The following CFAP69 variants were observed in gnomAD, a reference collection of about 807,000 sequenced individuals.
CFAP69 encodes the protein cilia- and flagella-associated protein 69.
In CFAP69, 92 loss-of-function variants were observed where a neutral mutation model predicts 123.0. The ratio of observed to expected loss-of-function variants is 0.75; its 90% confidence interval spans 0.63 to 0.89. The LOEUF (loss-of-function observed/expected upper bound fraction) is 0.89. Ranked by LOEUF, CFAP69 falls within the 40% of genes least tolerant of loss-of-function variation. CFAP69 has a pLI of 0.00. For missense variants in CFAP69, 1,067 were observed against 1,096.9 expected, an observed-to-expected ratio of 0.97 and a Z score of 0.39; for synonymous variants, 380 against 364.3, an observed-to-expected ratio of 1.04 and a Z score of -0.49.
In CFAP69 at chr7:90,279,886, G is replaced by T; in HGVS notation, c.1365G>T (p.Glu455Asp). ...ARVLAFLEWC[E>D]SEDPFFSHGN... is the part of the protein sequence containing the mutation. Reference sequence around the variant, plus strand: ...TCCTTGCATTTCTAGAATGGTGTGAGAGTGAAGGTGAGTGGCCCTTCAAGA... The same window carrying T: ...TCCTTGCATTTCTAGAATGGTGTGATAGTGAAGGTGAGTGGCCCTTCAAGA... The change falls in exon 12 of 23, where the codon GAG (glutamate) becomes GAT (aspartate). Residue 455 changes from glutamate to aspartate, a missense_variant. By Grantham distance (45) the Glu-to-Asp change is conservative. Coordinates refer to ENST00000389297, the MANE Select transcript of CFAP69 (RefSeq NM_001039706.3). 2 of 1,575,508 alleles carry T rather than the reference G, an allele frequency of 1.3e-6. No individual in the cohort carries two copies. Among genetic ancestry groups the T allele is most frequent in the Non-Finnish European group, 1.7e-6 (2 of 1,165,150 alleles).
intron 5 of CFAP69, among the ~76,000 whole-genome samples, chr7:90,267,951 A>G (rs759819066): frequency 6.6e-6 from 1 of 152,178 alleles, no homozygotes; most frequent in Non-Finnish European, 1.5e-5. Context: ...AGTAAAACAC[A>G]AGTTTACATG....
chr7:90,265,383 T>C lies in CFAP69; in HGVS notation c.433+6T>C. ...TAATTCAATTGCACTTCTGGGTAAGTTAAGATTTCCTTAAGGTATAGGGAT... is the reference window on the plus strand; with the variant it reads ...TAATTCAATTGCACTTCTGGGTAAGCTAAGATTTCCTTAAGGTATAGGGAT... On this transcript the variant is annotated splice_donor_region_variant and intron_variant, in intron 5 of 22. Transcript: ENST00000389297. 6.3e-7 allele frequency: 1 copy of C among 1,592,560 alleles called. No homozygotes were observed. Among genetic ancestry groups the C allele is most frequent in the Non-Finnish European group, 8.6e-7 (1 of 1,161,648 alleles).
At chr7:90,320,881 C>T in the CFAP69 span, 152,258 of 152,424 alleles carry the variant, frequency 1, 76,047 homozygotes, top group Middle Eastern at 1. Context: ...CAATTTCAGG[C>T]TAGCGCCTCT....
intron 6 of CFAP69, 88 bp from the exon 7 acceptor site, chr7:90,271,438 T>C (rs1799934501): frequency 7.3e-7 from 1 of 1,374,802 alleles, no homozygotes; most frequent in Admixed American, 2.3e-5. Flanking sequence ...TTTTTCTTGC[T>C]GTTGCTTAAT....
intron 17 of CFAP69, chr7:90,302,466 A>T (rs12734346): frequency 1.3e-5 from 2 of 152,304 alleles, no homozygotes; most frequent in Admixed American, 1.3e-4. Flanking sequence ...TTTTACATTT[A>T]AGTCTTTAAT....
At chr7:90,259,183 C>T (rs1180427219) in intron 3 of CFAP69, among the ~76,000 whole-genome samples, 1 of 152,092 alleles carries the variant, frequency 6.6e-6, no homozygotes, top group Admixed American at 6.5e-5. Flanking sequence ...GAGGCCAAGA[C>T]AGGAGGATTG....
In CFAP69 at chr7:90,262,024, A is replaced by G. The variant is rs963274804; in HGVS notation, c.324A>G (p.Ile108Met). ...SGKIKNQPRF[I>M]ESAYDIIKLC... is the part of the protein sequence containing the mutation. ...AAATAAAAAACCAGCCTCGTTTTAT[A>G]GAATCTGCATATGATATCATAAAAC... The change falls in exon 4 of 23, where the codon ATA (isoleucine) becomes ATG (methionine). Residue 108 changes from isoleucine to methionine, a missense_variant. Transcript: ENST00000389297. The G allele has an allele frequency of 5.6e-6, 9 of 1,600,456 alleles. No individual in the cohort carries two copies. Among genetic ancestry groups the G allele is most frequent in the Non-Finnish European group, 7.7e-6 (9 of 1,174,324 alleles).
At chr7:90,317,660 A>C in the CFAP69 span, 1 of 152,186 alleles carries the variant, frequency 6.6e-6, no homozygotes, top group African/African-American at 2.4e-5. Context: ...GAGTGTTTAT[A>C]TATAAAACCC....
chr7:90,304,212 A>G (rs1793219566), intron 18 of CFAP69, 106 bp downstream of exon 18: 6 of 1,410,790 alleles, frequency 4.3e-6, no homozygotes, highest in Non-Finnish European at 5.5e-6. Flanking sequence ...ATCTCTTTAT[A>G]TAGAGAAATT....
intron 15 of CFAP69, 92 bp downstream of exon 15, chr7:90,288,444 G>A (rs1232933584): frequency 4.9e-6 from 7 of 1,417,694 alleles, no homozygotes. Flanking sequence ...TGTTTCCTTA[G>A]GCAATTTCAT....
downstream of CFAP69, among the ~76,000 whole-genome samples, chr7:90,314,249 TA>T (rs1262443052): frequency 6.6e-6 from 1 of 152,112 alleles, no homozygotes; most frequent in African/African-American, 2.4e-5. Context: ...GAAATCTGAA[TA>T]AAATAGGAAG....
chr7:90,307,132 A>G, intron 20 of CFAP69, 34 bp downstream of exon 20: 1 of 1,563,956 alleles, frequency 6.4e-7, no homozygotes, highest in Non-Finnish European at 8.7e-7. Flanking sequence ...GGGAGAATGA[A>G]GATAGGTTGG....
chr7:90,316,681 T>C, the CFAP69 span: 2 of 152,234 alleles, frequency 1.3e-5, no homozygotes, highest in African/African-American at 4.8e-5. Flanking sequence ...ATTTACGGTA[T>C]GTAATCATCA....
intron 1 of CFAP69, among the ~76,000 whole-genome samples, chr7:90,254,322 TCTA>T (rs1299992161): frequency 3.9e-5 from 6 of 152,162 alleles, no homozygotes; most frequent in Non-Finnish European, 8.8e-5. Context: ...GTGCTCGCGG[TCTA>T]CTACTTAAAC....
At position 90,279,717 on chromosome 7, in the gene CFAP69, A is replaced by G. The variant is rs763366261; in HGVS notation, c.1196A>G (p.Tyr399Cys). 76 of 1,610,408 alleles carry G rather than the reference A, an allele frequency of 4.7e-5. 1 individual carries two copies. Among genetic ancestry groups the G allele is most frequent in the South Asian group, 4.3e-4 (39 of 90,546 alleles). ...AAAGTTATTTTGGCTTTGTTTACCT[A>G]TGTTAAGAAGCCTGAGAAGCAAAAA... ...DGKVILALFT[Y>C]VKKPEKQKII... The change falls in exon 12 of 23, where the codon TAT (tyrosine) becomes TGT (cysteine). Residue 399 changes from tyrosine (Y) to cysteine (C), a missense_variant. Tyr to Cys is a radical substitution (Grantham distance 194, BLOSUM62 -2). Coordinates refer to ENST00000389297, the MANE Select transcript of CFAP69 (RefSeq NM_001039706.3).
At chr7:90,321,379 G>A in the CFAP69 span, 2 of 152,404 alleles carry the variant, frequency 1.3e-5, no homozygotes, top group African/African-American at 4.8e-5. Flanking sequence ...CGCTCTCGAG[G>A]CCCCTCCCTG....
intron 13 of CFAP69, among the ~76,000 whole-genome samples, chr7:90,283,503 G>C (rs1046868828): frequency 2.0e-5 from 3 of 151,960 alleles, no homozygotes; most frequent in African/African-American, 7.3e-5. Flanking sequence ...GAATATCCTT[G>C]ACTTTTAGCT....
In CFAP69 at chr7:90,307,754, CT is replaced by C. The variant is rs1245552654; in HGVS notation, c.2464-11del. The C allele has an allele frequency of 7.2e-6, 11 of 1,522,880 alleles. No individual in the cohort carries two copies. The highest frequency in any genetic ancestry group is 9.8e-6 in the Non-Finnish European group (11 of 1,123,062). The allele number at this position is 1,522,880 out of a possible 1,614,324, so 94.3% of individuals were successfully genotyped here. On this transcript the variant is annotated splice_polypyrimidine_tract_variant and intron_variant, in intron 20 of 22. Transcript: ENST00000389297. ...AAAAAAGAAACTGAAACTTAATTATCTTTCTCATTTCAGATACAGGCCACGC... is the reference window on the plus strand; with the variant it reads ...AAAAAAGAAACTGAAACTTAATTATCTTCTCATTTCAGATACAGGCCACGC...
rs545276493 is a variant in CFAP69 at position 90,248,597 on chromosome 7, ATAGTT to A, written c.120+3057_120+3061del. Among the ~76,000 whole-genome samples the A allele has an allele frequency of 4.1e-4, 63 of 152,332 alleles. No individual in the cohort carries two copies. In the East Asian group the frequency reaches 0.012, roughly 29 times the overall value. On this transcript the variant is annotated intron_variant, in intron 1 of 22. Coordinates refer to ENST00000389297, the MANE Select transcript of CFAP69 (RefSeq NM_001039706.3). ...AAGTTATTAGTAAATAGGGAAAACA[ATAGTT>A]TAGGAATCTGGGATTTTGAATTGTT...
Sources: gnomAD v4.1 joint callset for allele counts (sites outside exome capture counted in the v4.1 genomes callset) on GRCh38, gnomAD v4.1.1 for gene constraint, MANE v1.5 for transcripts, NCBI Gene and HGNC (gene_info 2026-07-23, HGNC 2026-07-21) for gene names.